The following SYT16 variants were observed in gnomAD, a reference collection of about 807,000 sequenced individuals.
SYT16 encodes the protein synaptotagmin 16.
Under a neutral mutation model 61.4 loss-of-function variants are expected in SYT16, and 42 were observed. The ratio of observed to expected loss-of-function variants is 0.68; its 90% CI spans 0.53 to 0.89. The LOEUF (loss-of-function observed/expected upper bound fraction) is 0.89. Among genes scored for constraint, SYT16 ranks in the 40% least tolerant of loss-of-function variants. The pLI, the probability that SYT16 is intolerant of heterozygous loss-of-function variation, is 0.00. For missense variants in SYT16, 804 were observed against 807.3 expected (o/e 1.00, Z 0.05); for synonymous variants, 314 against 302.3 (o/e 1.04, Z -0.40).
intron 1 of SYT16, among the ~76,000 whole-genome samples, chr14:61,899,521 G>C (rs1475706355): frequency 6.6e-6 from 1 of 152,212 alleles, no homozygotes; most frequent in Non-Finnish European, 1.5e-5. Context: ...TGGGCTGGCT[G>C]AGTGAATAAA....
At chr14:62,017,231 T>G (rs2053724133) in intron 3 of SYT16, among the ~76,000 whole-genome samples, 1 of 152,214 alleles carries the variant, frequency 6.6e-6, no homozygotes, top group African/African-American at 2.4e-5. Flanking sequence ...AAATGCTTCC[T>G]CCTACTTACC....
intron 1 of SYT16, among the ~76,000 whole-genome samples, chr14:61,833,603 A>G (rs887850203): frequency 3.3e-5 from 5 of 150,556 alleles, no homozygotes; most frequent in Admixed American, 2.6e-4. Flanking sequence ...TATTTTTAGT[A>G]GAGACAGAGT....
At chr14:61,947,128 T>C (rs1307002480) in intron 1 of SYT16, among the ~76,000 whole-genome samples, 2 of 152,092 alleles carry the variant, frequency 1.3e-5, no homozygotes, top group Admixed American at 1.3e-4. Flanking sequence ...CTATGTAAGA[T>C]GGTCTCAGGG....
rs2052770969 is a variant in SYT16, at chr14:61,996,391, C to T, written c.372C>T (p.Pro124=). ...KDSCSTMSQW[P]NWASDDRKLP... is the part of the protein sequence containing the mutation. ...CATGTTCCACAATGTCCCAGTGGCC[C>T]AATTGGGCCAGTGATGACCGCAAGT... Residue 124 remains proline (P), a synonymous_variant, in exon 3 of 8, where the codon CCC becomes CCT. Transcript: ENST00000683842. 1.2e-6 allele frequency: 2 copies of T among 1,613,422 alleles called. No individual in the cohort carries two copies. The highest frequency in any genetic ancestry group is 1.3e-5 in the African/African-American group (1 of 74,904).
intron 4 of SYT16, among the ~76,000 whole-genome samples, chr14:62,074,761 T>C (rs2056423199): frequency 6.6e-6 from 1 of 152,198 alleles, no homozygotes; most frequent in Non-Finnish European, 1.5e-5. Context: ...GGAAGCATGG[T>C]AGAGTCGGGA....
At chr14:61,929,559 A>G (rs894991831) in intron 1 of SYT16, among the ~76,000 whole-genome samples, 6 of 152,192 alleles carry the variant, frequency 3.9e-5, no homozygotes, top group Non-Finnish European at 8.8e-5. Flanking sequence ...ACCAAAATTG[A>G]TAAAACTTTT....
At chr14:61,974,981 C>T (rs2051723992) in intron 2 of SYT16, among the ~76,000 whole-genome samples, 1 of 152,254 alleles carries the variant, frequency 6.6e-6, no homozygotes, top group African/African-American at 2.4e-5. Flanking sequence ...GGCTTCTGAC[C>T]TGCCCCAGCA....
intron 3 of SYT16, among the ~76,000 whole-genome samples, chr14:62,061,410 A>T (rs1157464117): frequency 6.6e-6 from 1 of 152,206 alleles, no homozygotes. Context: ...ATGTTCATAC[A>T]TTAAATGCAA....
intron 1 of SYT16, among the ~76,000 whole-genome samples, chr14:61,920,482 C>A (rs1248128284): frequency 6.6e-6 from 1 of 152,084 alleles, no homozygotes; most frequent in Non-Finnish European, 1.5e-5. Context: ...TTTAACCTTT[C>A]TTTCTGTCCT....
rs1264288261 is a variant in SYT16, at chr14:61,892,577, T to C, written c.-324-77555T>C. On this transcript the variant is annotated intron_variant, in intron 1 of 7. Coordinates refer to ENST00000683842, the MANE Select transcript of SYT16 (RefSeq NM_001367656.1). ...GCTGCTCCAGACTTGTATCCCCAGC[T>C]TGGCCTTCCCAGTGGAAAAAGAGTT... Among the ~76,000 whole-genome samples, 3 of 152,312 alleles carry C rather than the reference T, an allele frequency of 2.0e-5. No individual in the cohort carries two copies. The South Asian group carries it at 6.2e-4, about 32-fold the overall frequency.
At chr14:62,048,835 T>G (rs1443889556) in intron 3 of SYT16, among the ~76,000 whole-genome samples, 5 of 152,356 alleles carry the variant, frequency 3.3e-5, no homozygotes, top group South Asian at 2.1e-4. Flanking sequence ...TACTGTGGTC[T>G]GAGAGACAAT....
intron 1 of SYT16, among the ~76,000 whole-genome samples, chr14:61,828,835 C>G (rs926061561): frequency 2.6e-5 from 4 of 152,194 alleles, no homozygotes; most frequent in African/African-American, 9.6e-5. Flanking sequence ...CAATACAGAT[C>G]AAATTCTTTT....
At chr14:62,071,287 G>C (rs1012183197) in intron 4 of SYT16, among the ~76,000 whole-genome samples, 3 of 152,220 alleles carry the variant, frequency 2.0e-5, no homozygotes, top group African/African-American at 4.8e-5. Flanking sequence ...AGAACAGCTT[G>C]TTTAATCCTA....
chr14:61,949,939 A>G (rs1201953793), intron 1 of SYT16, among the ~76,000 whole-genome samples: 2 of 152,216 alleles, frequency 1.3e-5, no homozygotes, highest in African/African-American at 2.4e-5. Context: ...GCAAAGCACA[A>G]GAATAAAAAC....
Position 62,100,886 on chromosome 14 carries a change from A to G in SYT16, c.*179A>G. On this transcript the variant is annotated 3_prime_UTR_variant, in exon 8 of 8. Transcript: ENST00000683842. ...GTCTGATTTGGATTTAAATATTGTA[A>G]TTTTAAAAACACACATACACAGTGA... is the stretch of plus-strand genomic sequence containing the variant. The G allele has an allele frequency of 1.6e-6, 1 of 632,590 alleles. No homozygotes were observed. The highest frequency in any genetic ancestry group is 2.7e-6 in the Non-Finnish European group (1 of 372,164). 39.2% of individuals were successfully genotyped at this position (632,590 alleles called of 1,614,324 possible).
chr14:62,053,814 T>C (rs78559452), intron 3 of SYT16, among the ~76,000 whole-genome samples: 6,840 of 152,236 alleles, frequency 0.045, 513 homozygotes, highest in African/African-American at 0.16. Flanking sequence ...CAAAAGGCAT[T>C]ATTATACCTA....
chr14:61,880,182 T>C (rs2047648793), intron 1 of SYT16, among the ~76,000 whole-genome samples: 1 of 152,200 alleles, frequency 6.6e-6, no homozygotes, highest in Non-Finnish European at 1.5e-5. Flanking sequence ...CAATGATAGT[T>C]TCCATTTGTT....
At chr14:62,079,431 AC>A in intron 5 of SYT16, 1 of 908,182 alleles carries the variant, frequency 1.1e-6, no homozygotes, top group Non-Finnish European at 1.5e-6. Flanking sequence ...CACAGAAGGT[AC>A]CATCTCCATT....
chr14:61,964,334 A>G (rs950572511), intron 1 of SYT16, among the ~76,000 whole-genome samples: 2 of 152,202 alleles, frequency 1.3e-5, no homozygotes, highest in Admixed American at 1.3e-4. Context: ...AATATTAACA[A>G]GAGTTTGGAA....
Sources: gnomAD v4.1 joint callset for allele counts (sites outside exome capture counted in the v4.1 genomes callset) on GRCh38, gnomAD v4.1.1 for gene constraint, MANE v1.5 for transcripts, NCBI Gene and HGNC (gene_info 2026-07-23, HGNC 2026-07-21) for gene names.